The following WNK1 variants were observed in gnomAD, a reference collection of about 807,000 sequenced individuals.
WNK1 encodes serine/threonine-protein kinase WNK1.
A neutral mutation model predicts 222.8 loss-of-function variants in WNK1; 38 were observed. That is an observed-to-expected ratio of 0.17 (90% CI 0.13 to 0.22). The LOEUF is 0.22. Ranked by LOEUF, WNK1 falls within the 10% of genes least tolerant of loss-of-function variation. The pLI is 1.00. For synonymous variants in WNK1, 1,090 were observed against 1,092.9 expected, an observed-to-expected ratio of 1.00 and a Z score of 0.05; for missense variants, 2,348 against 2,918.4, an observed-to-expected ratio of 0.80 and a Z score of 4.50.
At position 907,917 on chromosome 12, in the gene WNK1, G is replaced by A. The variant is rs1430644425; in HGVS notation, c.6714G>A (p.Met2238Ile). 6.2e-7 allele frequency: 1 copy of A among 1,614,182 alleles called. No individual in the cohort carries two copies. The highest frequency in any genetic ancestry group is 8.5e-7 in the Non-Finnish European group (1 of 1,180,036). Residue 2238 changes from methionine to isoleucine, a missense_variant, in exon 27 of 28, where the codon ATG becomes ATA. Transcript: ENST00000315939. ...SQAAQAQPPA[M>I]TSSRKGTFTD... The stretch of plus-strand genomic sequence containing the variant: ...CCGCCCAAGCTCAGCCTCCTGCCAT[G>A]ACGTCCAGCAGGAAGGGCACATTCA...
intron 2 of WNK1, among the ~76,000 whole-genome samples, chr12:820,438 T>C (rs1947752603): frequency 6.8e-6 from 1 of 146,728 alleles, no homozygotes; most frequent in South Asian, 2.2e-4. Flanking sequence ...TTGTATTAGC[T>C]CATCTGTGTG....
At chr12:852,596 G>A (rs1459228971) in intron 4 of WNK1, among the ~76,000 whole-genome samples, 2 of 152,130 alleles carry the variant, frequency 1.3e-5, no homozygotes, top group Admixed American at 1.3e-4. Flanking sequence ...GTGTAAGATA[G>A]TAACCCAATT....
chr12:830,234 C>T, intron 4 of WNK1, 74 bp downstream of exon 4: 11 of 1,543,590 alleles, frequency 7.1e-6, no homozygotes, highest in Non-Finnish European at 8.9e-6. Flanking sequence ...TGACATCAAA[C>T]CATGTAAAAG....
intron 8 of WNK1, chr12:868,053 T>G: frequency 6.2e-7 from 1 of 1,613,966 alleles, no homozygotes; most frequent in Non-Finnish European, 8.5e-7. Context: ...TTCCAACCCC[T>G]GCTGAGGACT....
In WNK1 at chr12:851,284, T is replaced by C. The variant is rs143602139; in HGVS notation, c.1312-5877T>C. ...TTTCAAAATGATTGGAGGAAGGGAG[T>C]GTTTTTGGTAAATGGGTTTCTAGTG... On this transcript the variant is annotated intron_variant, in intron 4 of 27. Transcript: ENST00000315939. 2.2e-5 allele frequency: 17 copies of C among 774,106 alleles called. No individual in the cohort carries two copies. In the East Asian group the frequency reaches 2.2e-3, roughly 98 times the overall value. 48.0% of individuals were successfully genotyped at this position (774,106 alleles called of 1,614,324 possible). A position where few individuals can be genotyped will look rare whatever the true frequency, so the allele number is the denominator to read the frequency against.
chr12:793,679 G>A (rs183177264), intron 1 of WNK1, among the ~76,000 whole-genome samples: 42 of 152,182 alleles, frequency 2.8e-4, no homozygotes, highest in Non-Finnish European at 5.1e-4. Flanking sequence ...AGCACTATAG[G>A]TTGACTAAAT....
chr12:768,810 GT>G (rs925153461), intron 1 of WNK1, among the ~76,000 whole-genome samples: 5 of 151,572 alleles, frequency 3.3e-5, no homozygotes, highest in African/African-American at 9.7e-5. Flanking sequence ...AATGGATGAA[GT>G]TTTTTTGTTT....
intron 2 of WNK1, among the ~76,000 whole-genome samples, chr12:818,612 C>T (rs889131727): frequency 3.3e-5 from 5 of 152,170 alleles, no homozygotes; most frequent in East Asian, 1.9e-4. Flanking sequence ...ACTCTATGCC[C>T]GTGGAACAAT....
intron 8 of WNK1, among the ~76,000 whole-genome samples, chr12:862,830 C>G (rs889484788): frequency 6.6e-6 from 1 of 152,134 alleles, no homozygotes; most frequent in African/African-American, 2.4e-5. Context: ...AGTTCCTTCC[C>G]CAGTATATGT....
At chr12:767,105 A>G (rs535946422) in intron 1 of WNK1, among the ~76,000 whole-genome samples, 1 of 152,002 alleles carries the variant, frequency 6.6e-6, no homozygotes. Flanking sequence ...AAAATAGTTC[A>G]TTGTGGTCAA....
At chr12:856,916 T>C (rs1242278169) in intron 4 of WNK1, among the ~76,000 whole-genome samples, 1 of 152,222 alleles carries the variant, frequency 6.6e-6, no homozygotes, top group Non-Finnish European at 1.5e-5. Context: ...TATTAACATC[T>C]GCCTAAATTT....
intron 1 of WNK1, among the ~76,000 whole-genome samples, chr12:786,093 T>C (rs890666790): frequency 6.6e-6 from 1 of 152,166 alleles, no homozygotes; most frequent in African/African-American, 2.4e-5. Context: ...GTTGTAAAAA[T>C]TGAAGTTCTA....
chr12:906,267 G>A (rs1014541606), intron 26 of WNK1: 5 of 968,048 alleles, frequency 5.2e-6, no homozygotes, highest in African/African-American at 3.5e-5. Context: ...ACAAGACCAT[G>A]ACTCTTCTTT....
intron 8 of WNK1, among the ~76,000 whole-genome samples, chr12:866,929 G>T (rs1251187046): frequency 6.6e-6 from 1 of 152,038 alleles, no homozygotes; most frequent in Non-Finnish European, 1.5e-5. Context: ...TTCGAGACCA[G>T]CCTGGCCAAC....
intron 9 of WNK1, 137 bp from the exon 10 acceptor site, chr12:878,075 A>C: frequency 9.5e-7 from 1 of 1,056,380 alleles, no homozygotes; most frequent in Non-Finnish European, 1.4e-6. Context: ...GAAATTGATG[A>C]ATTTGGGTTT....
chr12:772,665 G>A (rs140504771), intron 1 of WNK1, among the ~76,000 whole-genome samples: 143 of 152,138 alleles, frequency 9.4e-4, no homozygotes, highest in Admixed American at 1.8e-3. Context: ...TTCTCAGTAA[G>A]AGAAAATTAG....
At position 819,660 on chromosome 12, in the gene WNK1, A is replaced by G. The variant is rs545499485; in HGVS notation, c.932+5846A>G. Among the ~76,000 whole-genome samples, 11 of 152,308 alleles carry G rather than the reference A, an allele frequency of 7.2e-5. No individual in the cohort carries two copies. The East Asian group carries it at 2.1e-3, about 29-fold the overall frequency. ...GTCATAAATAACCAAGGGCATACAG[A>G]TGTATCCCTAAGTTTTCTTCTAAGA... On this transcript the variant is annotated intron_variant, in intron 2 of 27. Coordinates refer to ENST00000315939, the MANE Select transcript of WNK1 (RefSeq NM_018979.4).
intron 4 of WNK1, among the ~76,000 whole-genome samples, chr12:844,071 T>C (rs1286864643): frequency 6.6e-6 from 1 of 152,228 alleles, no homozygotes; most frequent in Non-Finnish European, 1.5e-5. Context: ...TTATAGCATT[T>C]ATATGCAATT....
chr12:822,814 C>T (rs1055326958), intron 2 of WNK1, among the ~76,000 whole-genome samples: 4 of 152,128 alleles, frequency 2.6e-5, no homozygotes, highest in Non-Finnish European at 5.9e-5. Context: ...TACATTAATA[C>T]TGGTTTTAAT....
Sources: allele counts gnomAD v4.1 joint callset (sites outside exome capture counted in the v4.1 genomes callset), GRCh38; gene constraint gnomAD v4.1.1; transcripts MANE v1.5; gene names NCBI Gene and HGNC (gene_info 2026-07-23, HGNC 2026-07-21).